The following PACRG variants were observed in gnomAD, a reference collection of about 807,000 sequenced individuals.
PACRG encodes parkin coregulated gene protein.
In PACRG, 29 loss-of-function variants were observed where a neutral mutation model predicts 29.7. That is an observed-to-expected ratio of 0.98 (90% CI 0.73 to 1.33). The LOEUF is 1.33. Among genes scored for constraint, PACRG ranks in the 40% most tolerant of loss-of-function variants. The probability of loss-of-function intolerance (pLI) is 0.00; values close to 1 mark genes in which losing one functional copy is unlikely to be tolerated. For missense variants in PACRG, 279 were observed against 316.2 expected (o/e 0.88, Z 0.89); for synonymous variants, 116 against 118.7 (o/e 0.98, Z 0.15).
intron 4 of PACRG, among the ~76,000 whole-genome samples, chr6:163,222,297 G>A (rs1283526119): frequency 2.6e-5 from 4 of 152,198 alleles, no homozygotes; most frequent in Non-Finnish European, 4.4e-5. Context: ...GCGATGCTGT[G>A]AGGGTGCATG....
chr6:163,082,932 C>G (rs1813214928), intron 3 of PACRG, among the ~76,000 whole-genome samples: 1 of 152,118 alleles, frequency 6.6e-6, no homozygotes, highest in African/African-American at 2.4e-5. Flanking sequence ...ACTAACTACC[C>G]AGAAATGAAA....
intron 4 of PACRG, among the ~76,000 whole-genome samples, chr6:163,248,083 C>T: frequency 6.6e-6 from 1 of 152,154 alleles, no homozygotes; most frequent in Non-Finnish European, 1.5e-5. Flanking sequence ...ACCTCCATGC[C>T]CCACTGAATG....
At chr6:163,252,807 G>A (rs1406558510) in intron 4 of PACRG, among the ~76,000 whole-genome samples, 2 of 152,186 alleles carry the variant, frequency 1.3e-5, no homozygotes, top group African/African-American at 2.4e-5. Flanking sequence ...TAGTGACTAC[G>A]TTATACTCTT....
intron 2 of PACRG, among the ~76,000 whole-genome samples, chr6:162,907,082 CTAAG>C (rs750239760): frequency 1.3e-5 from 2 of 152,138 alleles, no homozygotes; most frequent in Non-Finnish European, 1.5e-5. Flanking sequence ...ACAAATCAAA[CTAAG>C]TGTCATTATT....
chr6:162,921,973 T>C (rs1250475835), intron 2 of PACRG, among the ~76,000 whole-genome samples: 2 of 152,086 alleles, frequency 1.3e-5, no homozygotes, highest in African/African-American at 4.8e-5. Flanking sequence ...TTTCCTGAAG[T>C]TCGCCGCTGT....
chr6:163,119,721 A>G (rs1359660210), intron 4 of PACRG, among the ~76,000 whole-genome samples: 1 of 152,202 alleles, frequency 6.6e-6, no homozygotes, highest in African/African-American at 2.4e-5. Context: ...CATAAAAACC[A>G]CTTCTTGTAA....
chr6:163,087,892 G>A (rs1339899238), intron 3 of PACRG, among the ~76,000 whole-genome samples: 1 of 152,096 alleles, frequency 6.6e-6, no homozygotes, highest in Non-Finnish European at 1.5e-5. Flanking sequence ...CCAGAGGAGT[G>A]TTGGTGAGGA....
intron 4 of PACRG, chr6:163,166,141 G>T (rs1023229978): frequency 2.2e-6 from 1 of 456,062 alleles, no homozygotes; most frequent in Admixed American, 2.4e-5. Context: ...GGGCAGCGTC[G>T]CTTGCGCCCG....
chr6:162,949,972 A>G (rs1386558872), intron 2 of PACRG, among the ~76,000 whole-genome samples: 15 of 152,180 alleles, frequency 9.9e-5, no homozygotes, highest in Non-Finnish European at 1.6e-4. Context: ...CATTAGATGA[A>G]ACATAAAAAC....
At chr6:162,963,337 G>A (rs935423060) in intron 2 of PACRG, among the ~76,000 whole-genome samples, 13 of 151,918 alleles carry the variant, frequency 8.6e-5, no homozygotes, top group African/African-American at 2.9e-4. Flanking sequence ...TCAAAGTTTG[G>A]GATTTCTAAT....
intron 2 of PACRG, among the ~76,000 whole-genome samples, chr6:162,842,463 A>G (rs1006065869): frequency 4.0e-5 from 6 of 151,832 alleles, no homozygotes; most frequent in Admixed American, 3.3e-4. Context: ...ATCTTCCTCC[A>G]TCCTTTTATT....
At chr6:163,084,786 G>C (rs1813392330) in intron 3 of PACRG, among the ~76,000 whole-genome samples, 1 of 142,960 alleles carries the variant, frequency 7.0e-6, no homozygotes, top group South Asian at 2.3e-4. Context: ...GTATAGACAT[G>C]GACATAAACC....
At chr6:162,976,912 A>C (rs1351483415) in intron 2 of PACRG, among the ~76,000 whole-genome samples, 1 of 152,112 alleles carries the variant, frequency 6.6e-6, no homozygotes, top group African/African-American at 2.4e-5. Context: ...AAAAATACGC[A>C]AAATGAAAGT....
Position 163,233,868 on chromosome 6 carries a change from G to A in PACRG, c.614-80959G>A, listed in dbSNP as rs145042890. 4.2e-3 allele frequency among the ~76,000 whole-genome samples: 633 copies of A among 152,328 alleles called. 2 individuals are homozygous for A. The highest frequency in any genetic ancestry group is 0.014 in the African/African-American group (598 of 41,586). ...ACGTTTGTAGGGAAGGAGGGAAATT[G>A]TAAGTTGCACTGTCCTTCATTGTTA... On this transcript the variant is annotated intron_variant, in intron 4 of 4. Coordinates refer to ENST00000366888, the MANE Select transcript of PACRG (RefSeq NM_001080379.2).
intron 4 of PACRG, among the ~76,000 whole-genome samples, chr6:163,194,394 C>T (rs1165190201): frequency 4.0e-5 from 6 of 151,842 alleles, no homozygotes; most frequent in African/African-American, 1.2e-4. Flanking sequence ...GTCTCCCTGT[C>T]ACCCTCCTTC....
At chr6:163,207,454 G>A (rs1780953334) in intron 4 of PACRG, among the ~76,000 whole-genome samples, 2 of 152,126 alleles carry the variant, frequency 1.3e-5, no homozygotes, top group South Asian at 2.1e-4. Context: ...TACTGAAATC[G>A]ATTTTTATTT....
chr6:162,891,139 A>G (rs1476071657), intron 2 of PACRG, among the ~76,000 whole-genome samples: 2 of 152,182 alleles, frequency 1.3e-5, no homozygotes, highest in Admixed American at 1.3e-4. Context: ...TTGCTTGTGA[A>G]ATGGACACGG....
chr6:163,064,891 A>T (rs1478061409), intron 3 of PACRG, among the ~76,000 whole-genome samples: 2 of 151,942 alleles, frequency 1.3e-5, no homozygotes, highest in Non-Finnish European at 2.9e-5. Context: ...CAAAATGTAT[A>T]AACTCACTGT....
chr6:163,273,913 TCTTA>T (rs145004852), intron 4 of PACRG, among the ~76,000 whole-genome samples: 2,343 of 152,354 alleles, frequency 0.015, 26 homozygotes, highest in Non-Finnish European at 0.024. Context: ...CCTTTTAAAT[TCTTA>T]CTTGTTAATT....
Sources: gnomAD v4.1 joint callset for allele counts (sites outside exome capture counted in the v4.1 genomes callset) on GRCh38, gnomAD v4.1.1 for gene constraint, MANE v1.5 for transcripts, NCBI Gene and HGNC (gene_info 2026-07-23, HGNC 2026-07-21) for gene names.